The following UGT1A7 variants were observed in gnomAD, a reference collection of about 807,000 sequenced individuals.
UGT1A7 encodes the protein UDP glucuronosyltransferase family 1 member A7, also known as UDP-glucuronosyltransferase 1A7.
A neutral mutation model predicts 45.6 loss-of-function variants in UGT1A7; 33 were observed. The ratio of observed to expected loss-of-function variants is 0.72; its 90% CI spans 0.55 to 0.97. The LOEUF (loss-of-function observed/expected upper bound fraction) is 0.97, where lower values mean the gene tolerates loss of function less well. Ranked by LOEUF, UGT1A7 falls within the 50% of genes least tolerant of loss-of-function variation. The probability of loss-of-function intolerance (pLI) is 0.00; values close to 1 mark genes in which losing one functional copy is unlikely to be tolerated. For missense variants in UGT1A7, 684 were observed against 666.2 expected (o/e 1.03, Z -0.29); for synonymous variants, 274 against 250.6 (o/e 1.09, Z -0.88).
At chr2:233,723,999 A>C (rs2077152052) in intron 1 of UGT1A7, among the ~76,000 whole-genome samples, 1 of 70,856 alleles carries the variant, frequency 1.4e-5, no homozygotes, top group Non-Finnish European at 2.6e-5. Context: ...TTTCTATTCC[A>C]CAAAGCCGCC....
At chr2:233,715,608 C>T (rs944774331) in intron 1 of UGT1A7, among the ~76,000 whole-genome samples, 2 of 151,816 alleles carry the variant, frequency 1.3e-5, no homozygotes, top group Non-Finnish European at 2.9e-5. Flanking sequence ...TCCATCTCTA[C>T]AAAAAATTAA....
intron 1 of UGT1A7, among the ~76,000 whole-genome samples, chr2:233,701,132 A>C (rs1303969880): frequency 1.3e-5 from 2 of 152,144 alleles, no homozygotes; most frequent in African/African-American, 4.8e-5. Context: ...AGGGACATTT[A>C]GGTTGGTTCC....
At chr2:233,732,983 C>T (rs930118681) in intron 1 of UGT1A7, among the ~76,000 whole-genome samples, 9 of 152,090 alleles carry the variant, frequency 5.9e-5, no homozygotes, top group South Asian at 2.1e-4. Flanking sequence ...TCTTTTATTT[C>T]GTTGAGCAGT....
intron 1 of UGT1A7, among the ~76,000 whole-genome samples, chr2:233,710,685 A>T (rs2076142987): frequency 9.2e-5 from 14 of 152,132 alleles, no homozygotes; most frequent in Admixed American, 9.2e-4. Flanking sequence ...GTTTCTGTTT[A>T]CTTCTGGTGT....
At chr2:233,720,348 T>C (rs1265455375) in intron 1 of UGT1A7, among the ~76,000 whole-genome samples, 1 of 152,042 alleles carries the variant, frequency 6.6e-6, no homozygotes, top group African/African-American at 2.4e-5. Flanking sequence ...GGTATGGTGA[T>C]GGTTGCATGT....
intron 1 of UGT1A7, among the ~76,000 whole-genome samples, chr2:233,732,898 G>T (rs1347576081): frequency 6.6e-6 from 1 of 151,914 alleles, no homozygotes; most frequent in Non-Finnish European, 1.5e-5. Context: ...AATTACCTTG[G>T]GCAGTATGGC....
intron 1 of UGT1A7, among the ~76,000 whole-genome samples, chr2:233,695,119 C>G (rs542202742): frequency 1.7e-4 from 20 of 115,748 alleles, no homozygotes; most frequent in Non-Finnish European, 3.0e-4. Context: ...ATTAACCAAC[C>G]CTTTTCTTTT....
At chr2:233,712,928 A>G in intron 1 of UGT1A7, 1 of 1,612,102 alleles carries the variant, frequency 6.2e-7, no homozygotes, top group East Asian at 2.2e-5. Flanking sequence ...AATTAAGACG[A>G]AGGAAACAAT....
chr2:233,710,910 C>A (rs1487105945), intron 1 of UGT1A7, among the ~76,000 whole-genome samples: 2 of 152,188 alleles, frequency 1.3e-5, no homozygotes, highest in African/African-American at 4.8e-5. Flanking sequence ...GGAAAGAGGT[C>A]TTTAGACCAC....
In UGT1A7 at chr2:233,682,340, G is replaced by C; in HGVS notation, c.403G>C (p.Glu135Gln). The change falls in exon 1 of 5, where the codon GAA becomes CAA. Residue 135 changes from glutamate (E) to glutamine (Q), a missense_variant. Physicochemically the swap from Glu to Gln is conservative, Grantham distance 29. Coordinates refer to ENST00000373426, the MANE Select transcript of UGT1A7 (RefSeq NM_019077.3). ...TTTGTTTAATGACCGAAAATTAGTAGAATACTTAAAGGAGAGTTGTTTTGA... is the reference window on the plus strand; with the variant it reads ...TTTGTTTAATGACCGAAAATTAGTACAATACTTAAAGGAGAGTTGTTTTGA... The part of the protein sequence containing the change: ...RSLFNDRKLV[E>Q]YLKESCFDAV... 1 of 1,614,084 alleles carries C rather than the reference G, an allele frequency of 6.2e-7. No homozygotes were observed. The highest frequency in any genetic ancestry group is 8.5e-7 in the Non-Finnish European group (1 of 1,180,000).
chr2:233,766,982 T>C (rs1699301954), intron 1 of UGT1A7, 52 bp from the exon 2 acceptor site: 9 of 1,612,798 alleles, frequency 5.6e-6, no homozygotes, highest in Non-Finnish European at 7.6e-6. Context: ...CTGTATGTAG[T>C]CATCAAAGAA....
chr2:233,733,145 T>C (rs2078361109), intron 1 of UGT1A7, among the ~76,000 whole-genome samples: 1 of 152,246 alleles, frequency 6.6e-6, no homozygotes, highest in Non-Finnish European at 1.5e-5. Flanking sequence ...TTGTGATTTT[T>C]GCACATTGAT....
chr2:233,725,733 T>C (rs1277713269), intron 1 of UGT1A7, among the ~76,000 whole-genome samples: 1 of 152,236 alleles, frequency 6.6e-6, no homozygotes, highest in Non-Finnish European at 1.5e-5. Flanking sequence ...TGTTTACAAA[T>C]GTAAACATTG....
At chr2:233,708,544 G>A (rs1488651265) in intron 1 of UGT1A7, 1 of 152,200 alleles carries the variant, frequency 6.6e-6, no homozygotes, top group Non-Finnish European at 1.5e-5. Context: ...TTGAGCCCAG[G>A]AGTTTGAGAC....
chr2:233,700,968 T>C (rs2075602743), intron 1 of UGT1A7, among the ~76,000 whole-genome samples: 1 of 150,460 alleles, frequency 6.6e-6, no homozygotes, highest in South Asian at 2.1e-4. Flanking sequence ...GAACATGCGG[T>C]GTTTGATTTT....
In UGT1A7 at chr2:233,739,290, C is replaced by A. The variant is rs1363558012; in HGVS notation, c.856-27744C>A. On this transcript the variant is annotated intron_variant, in intron 1 of 4. Transcript: ENST00000373426. ...TTGGAGCCCCCACACAGAGTCTCCACTGGGGCACTGCCTAGTGGAGTTGTG... is the reference window on the plus strand; with the variant it reads ...TTGGAGCCCCCACACAGAGTCTCCAATGGGGCACTGCCTAGTGGAGTTGTG... Among the ~76,000 whole-genome samples, 3 of 152,214 alleles carry A rather than the reference C, an allele frequency of 2.0e-5. No homozygotes were observed. In the East Asian group the frequency reaches 5.8e-4, roughly 29 times the overall value.
At chr2:233,698,825 A>C (rs116279107) in intron 1 of UGT1A7, among the ~76,000 whole-genome samples, 1 of 152,246 alleles carries the variant, frequency 6.6e-6, no homozygotes, top group Non-Finnish European at 1.5e-5. Flanking sequence ...TGGAAGAGTA[A>C]GGCAGGATCA....
intron 1 of UGT1A7, among the ~76,000 whole-genome samples, chr2:233,724,021 G>T (rs2077154615): frequency 1.2e-5 from 1 of 80,748 alleles, no homozygotes; most frequent in African/African-American, 7.3e-5. Context: ...TTGTCATCCT[G>T]GCCCGTTCTC....
Position 233,687,349 on chromosome 2 carries a change from A to G in UGT1A7, c.855+4557A>G, listed in dbSNP as rs1338618580. On this transcript the variant is annotated intron_variant, in intron 1 of 4. Transcript: ENST00000373426. ...TTCCCTTGAATGATTTAAACTTCAGATGGGTGGACTGTCTCCTTAGGGAGA... is the reference window on the plus strand; with the variant it reads ...TTCCCTTGAATGATTTAAACTTCAGGTGGGTGGACTGTCTCCTTAGGGAGA... Among the ~76,000 whole-genome samples the G allele has an allele frequency of 2.0e-5, 3 of 152,174 alleles. 1 individual carries two copies. Among genetic ancestry groups the G allele is most frequent in the Non-Finnish European group, 4.4e-5 (3 of 68,028 alleles).
Sources: allele counts gnomAD v4.1 joint callset (sites outside exome capture counted in the v4.1 genomes callset), GRCh38; gene constraint gnomAD v4.1.1; transcripts MANE v1.5; gene names NCBI Gene and HGNC (gene_info 2026-07-23, HGNC 2026-07-21).